Variants in C1QTNF3 observed in about 807,000 individuals in gnomAD.
C1QTNF3 encodes complement C1q tumor necrosis factor-related protein 3.
In C1QTNF3, 26 loss-of-function variants were observed where a neutral mutation model predicts 32.6. That is an observed-to-expected ratio of 0.80 (90% CI 0.58 to 1.11). The LOEUF is 1.11. Ranked by LOEUF, C1QTNF3 falls within the 50% of genes least tolerant of loss-of-function variation. C1QTNF3 has a pLI of 0.00. For missense variants in C1QTNF3, 362 were observed against 398.2 expected (o/e 0.91, Z 0.77); for synonymous variants, 155 against 146.0 (o/e 1.06, Z -0.44).
the C1QTNF3 span, among the ~76,000 whole-genome samples, chr5:34,178,087 T>G: frequency 8.2e-6 from 1 of 122,590 alleles, no homozygotes; most frequent in African/African-American, 3.2e-5. Flanking sequence ...ACCAACATGG[T>G]GAAACCTCAT....
At chr5:34,223,097 C>A in the C1QTNF3 span, among the ~76,000 whole-genome samples, 4 of 151,136 alleles carry the variant, frequency 2.6e-5, no homozygotes, top group Admixed American at 2.6e-4. Context: ...TATACATGTG[C>A]CATGCTGGTG....
At chr5:34,074,813 A>T in the C1QTNF3 span, among the ~76,000 whole-genome samples, 2 of 151,696 alleles carry the variant, frequency 1.3e-5, no homozygotes, top group Non-Finnish European at 2.9e-5. Flanking sequence ...TCCGTTCGAG[A>T]TATTGAAAAA....
the C1QTNF3 span, among the ~76,000 whole-genome samples, chr5:34,084,835 A>T: frequency 8.2e-6 from 1 of 122,544 alleles, no homozygotes; most frequent in South Asian, 2.6e-4. Context: ...GAAGCTCTTT[A>T]GTTTAATTAG....
the C1QTNF3 span, among the ~76,000 whole-genome samples, chr5:34,123,164 C>T: frequency 1.3e-5 from 2 of 152,166 alleles, no homozygotes; most frequent in African/African-American, 4.8e-5. Flanking sequence ...CAGAGAACTG[C>T]CATGGGGACA....
chr5:34,033,225 G>A (rs867131210), intron 3 of C1QTNF3, 79 bp downstream of exon 3: 30 of 1,484,992 alleles, frequency 2.0e-5, no homozygotes, highest in African/African-American at 2.8e-5. Context: ...TTGAGGAAGC[G>A]CTCGAACATC....
At chr5:34,030,508 C>A (rs1754586133) in intron 3 of C1QTNF3, among the ~76,000 whole-genome samples, 1 of 152,126 alleles carries the variant, frequency 6.6e-6, no homozygotes, top group Non-Finnish European at 1.5e-5. Flanking sequence ...AGTACTCTTC[C>A]TCCTCTTGCC....
Position 34,020,485 on chromosome 5 carries a change from A to G in C1QTNF3, c.*98T>C. 1 of 1,389,716 alleles carries G rather than the reference A, an allele frequency of 7.2e-7. No homozygotes were observed. Among genetic ancestry groups the G allele is most frequent in the Non-Finnish European group, 9.9e-7 (1 of 1,012,330 alleles). The allele number at this position is 1,389,716 out of a possible 1,614,324, so 86.1% of individuals were successfully genotyped here. On this transcript the variant is annotated 3_prime_UTR_variant, in exon 6 of 6. Transcript: ENST00000382065. The stretch of plus-strand genomic sequence containing the variant: ...CATTGCAACCAATAATTTTTTGAAT[A>G]CAGCAATGTAAAACCCTCAACTTTA...
the C1QTNF3 span, among the ~76,000 whole-genome samples, chr5:34,164,321 A>G: frequency 6.6e-6 from 1 of 152,182 alleles, no homozygotes; most frequent in Non-Finnish European, 1.5e-5. Context: ...GAATTAGACA[A>G]TAATGTGGCT....
rs143714985 is a variant in C1QTNF3, at chr5:34,029,949, A to G, written c.571-1066T>C. 1.4e-3 allele frequency among the ~76,000 whole-genome samples: 210 copies of G among 152,378 alleles called. 3 individuals are homozygous for G. Among genetic ancestry groups the G allele is most frequent in the African/African-American group, 4.5e-3 (187 of 41,594 alleles). On this transcript the variant is annotated intron_variant, in intron 3 of 5. Transcript: ENST00000382065. ...AAAAGTTACATAACTGTATGTTAAC[A>G]GTAATCATCTCTTGGCATGTTTTAT... is the stretch of plus-strand genomic sequence containing the variant.
chr5:34,185,554 A>G, the C1QTNF3 span, among the ~76,000 whole-genome samples: 32 of 152,376 alleles, frequency 2.1e-4, no homozygotes, highest in African/African-American at 7.7e-4. Flanking sequence ...CTTCAGCACT[A>G]TGCTTGGGGG....
chr5:34,127,076 C>A, the C1QTNF3 span, among the ~76,000 whole-genome samples: 1 of 152,192 alleles, frequency 6.6e-6, no homozygotes, highest in Non-Finnish European at 1.5e-5. Flanking sequence ...TCCTCTACAG[C>A]CATGAACTAT....
At chr5:34,038,716 A>G (rs1478834711) in intron 1 of C1QTNF3, among the ~76,000 whole-genome samples, 1 of 152,112 alleles carries the variant, frequency 6.6e-6, no homozygotes, top group Non-Finnish European at 1.5e-5. Flanking sequence ...CTTTTTTTCT[A>G]TTTCCTGAGG....
chr5:34,096,469 G>A, the C1QTNF3 span, among the ~76,000 whole-genome samples: 1 of 134,438 alleles, frequency 7.4e-6, no homozygotes, highest in East Asian at 2.1e-4. Context: ...TAAGAAGACA[G>A]ATTATGATTA....
chr5:34,070,083 T>C, the C1QTNF3 span, among the ~76,000 whole-genome samples: 2 of 152,266 alleles, frequency 1.3e-5, no homozygotes, highest in African/African-American at 4.8e-5. Context: ...AAATGTATGA[T>C]CTCCTGTTCT....
the C1QTNF3 span, among the ~76,000 whole-genome samples, chr5:34,215,519 C>G: frequency 1.8e-4 from 28 of 152,300 alleles, no homozygotes; most frequent in African/African-American, 6.7e-4. Context: ...GCTGCTGAAC[C>G]CCATTTAGGT....
chr5:34,182,485 A>G, the C1QTNF3 span, among the ~76,000 whole-genome samples: 2,947 of 134,750 alleles, frequency 0.022, no homozygotes, highest in African/African-American at 0.099. Context: ...AAATAAATAA[A>G]TAAATAAATA....
the C1QTNF3 span, among the ~76,000 whole-genome samples, chr5:34,068,377 T>C: frequency 3.9e-5 from 6 of 152,212 alleles, 1 homozygote; most frequent in South Asian, 1.2e-3. Context: ...AGCTTTATAC[T>C]GTTTCTCCAA....
chr5:34,097,138 G>C, the C1QTNF3 span, among the ~76,000 whole-genome samples: 4 of 151,714 alleles, frequency 2.6e-5, no homozygotes, highest in Admixed American at 2.6e-4. Context: ...AGTCCATGAA[G>C]TTTTGATCAT....
the C1QTNF3 span, among the ~76,000 whole-genome samples, chr5:34,224,550 G>A: frequency 2.6e-5 from 4 of 152,154 alleles, no homozygotes; most frequent in African/African-American, 7.2e-5. Context: ...AAGCAATGGG[G>A]AAAGGATTCC....
Sources: allele counts gnomAD v4.1 joint callset (sites outside exome capture counted in the v4.1 genomes callset), GRCh38; gene constraint gnomAD v4.1.1; transcripts MANE v1.5; gene names NCBI Gene and HGNC (gene_info 2026-07-23, HGNC 2026-07-21).